Variants in PRR14L observed in about 807,000 individuals in gnomAD.
PRR14L encodes proline rich 14 like.
Under a neutral mutation model 155.0 loss-of-function variants are expected in PRR14L, and 80 were observed. That is an observed-to-expected ratio of 0.52 (90% CI 0.43 to 0.62). The LOEUF is 0.62. PRR14L is among the 20% of genes least tolerant of loss of function. The pLI, the probability that PRR14L is intolerant of heterozygous loss-of-function variation, is 0.00. For missense variants in PRR14L, 2,469 were observed against 2,548.0 expected (o/e 0.97, Z 0.67); for synonymous variants, 883 against 916.0 (o/e 0.96, Z 0.65).
intron 3 of PRR14L, among the ~76,000 whole-genome samples, chr22:31,724,048 C>T (rs916559798): frequency 4.6e-5 from 7 of 152,138 alleles, no homozygotes; most frequent in East Asian, 1.9e-4. Flanking sequence ...CTCATAGGAG[C>T]GTGGACCCTA....
chr22:31,711,776 CAAAAAAAAAAAAAAA>C (rs757790329), intron 4 of PRR14L, among the ~76,000 whole-genome samples: 1 of 48,732 alleles, frequency 2.1e-5, no homozygotes, highest in Non-Finnish European at 3.9e-5. Context: ...AAGAGTTAAT[CAAAAAAAAAAAAAAA>C]AAAAAAAAAG....
At chr22:31,688,566 A>G (rs60209974) in intron 7 of PRR14L, among the ~76,000 whole-genome samples, 21,922 of 152,140 alleles carry the variant, frequency 0.14, 2,158 homozygotes, top group African/African-American at 0.28. Flanking sequence ...TGCAAACAAT[A>G]TGTACTGGAT....
intron 1 of PRR14L, among the ~76,000 whole-genome samples, chr22:31,745,894 T>C (rs2074835565): frequency 6.7e-6 from 1 of 149,616 alleles, no homozygotes; most frequent in Non-Finnish European, 1.5e-5. Flanking sequence ...AGTATCACAG[T>C]GTTACCTTGG....
At position 31,715,501 on chromosome 22, in the gene PRR14L, C is replaced by T. The variant is rs747678477; in HGVS notation, c.2338G>A (p.Val780Ile). The stretch of plus-strand genomic sequence containing the variant: ...CAGCTAGAGATATCCTGAGATTGAA[C>T]GCTGTGACATTCTATGACAGAGACC... Reference protein sequence around the residue: ...QVVSVIECHSVQSQDISSCHR... With the variant: ...QVVSVIECHSIQSQDISSCHR... The change falls in exon 4 of 9, where the codon GTT (valine) becomes ATT (isoleucine). Residue 780 changes from valine (V) to isoleucine (I), a missense_variant. Around this residue, in one of 2 missense-constraint regions of PRR14L, gnomAD observed 2,363 missense variants for 2,371.6 expected, o/e 1.00. Transcript: ENST00000327423. 8.4e-5 allele frequency: 130 copies of T among 1,552,086 alleles called. No homozygotes were observed. Among genetic ancestry groups the T allele is most frequent in the East Asian group, 6.6e-4 (27 of 40,942 alleles).
At chr22:31,705,011 G>A (rs113349921) in intron 4 of PRR14L, among the ~76,000 whole-genome samples, 5,514 of 152,246 alleles carry the variant, frequency 0.036, 305 homozygotes, top group African/African-American at 0.12. Flanking sequence ...TATAATCCCA[G>A]CACTTTGGGA....
chr22:31,711,170 G>A (rs968603430), intron 4 of PRR14L, among the ~76,000 whole-genome samples: 2 of 152,102 alleles, frequency 1.3e-5, no homozygotes, highest in African/African-American at 4.8e-5. Context: ...CAAGATGGGC[G>A]CAAGAGTAGA....
At chr22:31,744,673 C>T (rs186152915) in intron 1 of PRR14L, among the ~76,000 whole-genome samples, 5 of 152,332 alleles carry the variant, frequency 3.3e-5, no homozygotes, top group Admixed American at 2.0e-4. Flanking sequence ...GACTTCCCCT[C>T]ACCATTCAAT....
chr22:31,744,130 T>A (rs1312881393), intron 1 of PRR14L, among the ~76,000 whole-genome samples: 1 of 150,364 alleles, frequency 6.7e-6, no homozygotes, highest in East Asian at 2.0e-4. Context: ...GCATGCCTGG[T>A]TAATTTTTTT....
Position 31,715,525 on chromosome 22 carries a change from C to A in PRR14L, c.2314G>T (p.Val772Phe). The A allele has an allele frequency of 6.4e-7, 1 of 1,552,148 alleles. No individual in the cohort carries two copies. Among genetic ancestry groups the A allele is most frequent in the Non-Finnish European group, 8.7e-7 (1 of 1,147,050 alleles). The change falls in exon 4 of 9, where the codon GTC (valine) becomes TTC (phenylalanine). Residue 772 changes from valine (V) to phenylalanine (F), a missense_variant. Physicochemically the swap from Val to Phe is conservative, Grantham distance 50. Around this residue, in one of 2 missense-constraint regions of PRR14L, gnomAD observed 2,363 missense variants for 2,371.6 expected, o/e 1.00. Transcript: ENST00000327423. ...ACGCTGTGACATTCTATGACAGAGA[C>A]CACTTGAGGAAAGCCAGCTGCTTCT... ...KREAAGFPQV[V>F]SVIECHSVQS...
Position 31,715,208 on chromosome 22 carries a change from T to C in PRR14L, c.2631A>G (p.Val877=), listed in dbSNP as rs1478799251. The C allele has an allele frequency of 1.1e-5, 17 of 1,552,306 alleles. No homozygotes were observed. Among genetic ancestry groups the C allele is most frequent in the East Asian group, 4.9e-5 (2 of 40,930 alleles). ...AAATTCCACTATTTAACAAGCCTGC[T>C]ACCATTTTGTTTCTGATCTTATCTC... ...LPGDKIRNKM[V]AGLLNSGISN... is the part of the protein sequence containing the mutation. The change falls in exon 4 of 9, where the codon GTA becomes GTG. Residue 877 remains valine, a synonymous_variant. Coordinates refer to ENST00000327423, the MANE Select transcript of PRR14L (RefSeq NM_173566.3).
intron 1 of PRR14L, among the ~76,000 whole-genome samples, chr22:31,741,252 C>CA (rs139593821): frequency 0.24 from 6,250 of 25,556 alleles, 1,212 homozygotes; most frequent in Non-Finnish European, 0.26. Flanking sequence ...GGCTCTGTCT[C>CA]AAAAAAAAAA....
chr22:31,738,762 G>A lies in PRR14L; in HGVS notation c.99C>T (p.Ser33=). ...ELYSELPVSV[S]RELHADPEPS... is the part of the protein sequence containing the mutation. Reference sequence around the variant, plus strand: ...GCTCAGGGTCAGCATGAAGCTCTCTGGAGACACTTACTGGGAGTTCAGAGT... The same window carrying A: ...GCTCAGGGTCAGCATGAAGCTCTCTAGAGACACTTACTGGGAGTTCAGAGT... The change falls in exon 2 of 9, where the codon TCC becomes TCT. Residue 33 remains serine, a synonymous_variant. Transcript: ENST00000327423. 1 of 1,551,894 alleles carries A rather than the reference G, an allele frequency of 6.4e-7. No homozygotes were observed. The highest frequency in any genetic ancestry group is 8.7e-7 in the Non-Finnish European group (1 of 1,147,044).
At chr22:31,700,579 G>A (rs565462194) in intron 7 of PRR14L, among the ~76,000 whole-genome samples, 6 of 152,012 alleles carry the variant, frequency 3.9e-5, no homozygotes, top group East Asian at 3.9e-4. Context: ...TTTTTGAGAC[G>A]GAGTTTCATT....
chr22:31,717,511 C>A (rs892804748), intron 3 of PRR14L, among the ~76,000 whole-genome samples: 4 of 152,230 alleles, frequency 2.6e-5, no homozygotes, highest in Non-Finnish European at 5.9e-5. Flanking sequence ...TCAACAAATG[C>A]CTCTTGCTGA....
At position 31,682,333 on chromosome 22, in the gene PRR14L, TGA is replaced by T. The variant is rs1345077301; in HGVS notation, c.*3192_*3193del. On this transcript the variant is annotated 3_prime_UTR_variant, in exon 9 of 9. Coordinates refer to ENST00000327423, the MANE Select transcript of PRR14L (RefSeq NM_173566.3). ...GATTTTCACAGCTCTTGAGGAGCGCTGAGTTTTGGGATTCACAGCATGGGTTT... is the reference window on the plus strand; with the variant it reads ...GATTTTCACAGCTCTTGAGGAGCGCTGTTTTGGGATTCACAGCATGGGTTT... 6.6e-6 allele frequency: 1 copy of T among 152,204 alleles called. No homozygotes were observed. The highest frequency in any genetic ancestry group is 1.5e-5 in the Non-Finnish European group (1 of 68,046). The allele number at this position is 152,204 out of a possible 1,614,324, so 9.4% of individuals were successfully genotyped here.
chr22:31,726,201 G>C (rs544164780), intron 2 of PRR14L, among the ~76,000 whole-genome samples: 2 of 151,980 alleles, frequency 1.3e-5, no homozygotes, highest in South Asian at 4.2e-4. Flanking sequence ...CGCGCTGTCA[G>C]CTCACTGCAA....
intron 4 of PRR14L, among the ~76,000 whole-genome samples, chr22:31,711,381 G>A (rs541995450): frequency 6.6e-6 from 1 of 152,278 alleles, no homozygotes; most frequent in East Asian, 1.9e-4. Flanking sequence ...TAAGGCAGGA[G>A]AACCGCTTGA....
At chr22:31,728,430 T>C (rs1209084283) in intron 2 of PRR14L, among the ~76,000 whole-genome samples, 2 of 151,912 alleles carry the variant, frequency 1.3e-5, no homozygotes, top group Non-Finnish European at 2.9e-5. Flanking sequence ...CTGACCAACA[T>C]GGAGAAACCC....
chr22:31,685,599 C>G lies in PRR14L; in HGVS notation c.6384G>C (p.Leu2128Phe), dbSNP rs1702324207. ...AVQSRELDAL[L>F]IQKLMELETF... ...TCTCCAGTTCCATTAGTTTCTGTAT[C>G]AAAAGAGCATCCAGCTCTCGACTCT... Residue 2128 changes from leucine (L) to phenylalanine (F), a missense_variant, in exon 9 of 9, where the codon TTG (leucine) becomes TTC (phenylalanine). Physicochemically the swap from Leu to Phe is conservative, Grantham distance 22. Coordinates refer to ENST00000327423, the MANE Select transcript of PRR14L (RefSeq NM_173566.3). 6.4e-7 allele frequency: 1 copy of G among 1,551,914 alleles called. No homozygotes were observed. Among genetic ancestry groups the G allele is most frequent in the African/African-American group, 1.4e-5 (1 of 73,028 alleles).
Sources: gnomAD v4.1 joint callset for allele counts (sites outside exome capture counted in the v4.1 genomes callset) on GRCh38, gnomAD v4.1.1 for gene constraint, gnomAD v4.1.1 regional missense constraint, MANE v1.5 for transcripts, NCBI Gene and HGNC (gene_info 2026-07-23, HGNC 2026-07-21) for gene names.